THSD4: variants seen among roughly 807,000 people sequenced by gnomAD.
THSD4 encodes thrombospondin type 1 domain containing 4, also known as thrombospondin type-1 domain-containing protein 4.
Under a neutral mutation model 119.0 loss-of-function variants are expected in THSD4, and 69 were observed. That is an observed-to-expected ratio of 0.58 (90% CI 0.48 to 0.71). The LOEUF (loss-of-function observed/expected upper bound fraction) is 0.71, where lower values mean the gene tolerates loss of function less well. Ranked by LOEUF, THSD4 falls within the 30% of genes least tolerant of loss-of-function variation. The pLI is 0.00. For synonymous variants in THSD4, 524 were observed against 540.4 expected (o/e 0.97, Z 0.42); for missense variants, 1,393 against 1,391.1 (o/e 1.00, Z -0.02).
In THSD4 at chr15:71,511,071, G is replaced by A. The variant is rs140842506; in HGVS notation, c.1152+99248G>A. Among the ~76,000 whole-genome samples the A allele has an allele frequency of 1.3e-3, 197 of 150,286 alleles. 2 individuals are homozygous for A. Among genetic ancestry groups the A allele is most frequent in the African/African-American group, 4.7e-3 (193 of 40,710 alleles). ...TTTGCTGTAAGGGTCAAGGGGAGAA[G>A]TCTGAGTACAGAGCAAGATAAAGAA... On this transcript the variant is annotated intron_variant, in intron 7 of 17. Transcript: ENST00000261862.
At chr15:71,277,033 T>A (rs905076517) in intron 6 of THSD4, among the ~76,000 whole-genome samples, 1 of 152,182 alleles carries the variant, frequency 6.6e-6, no homozygotes, top group Non-Finnish European at 1.5e-5. Context: ...TTTAATTCTT[T>A]TGATTGTATT....
intron 1 of THSD4, among the ~76,000 whole-genome samples, chr15:71,122,729 G>A (rs1197422132): frequency 1.3e-5 from 2 of 152,032 alleles, no homozygotes; most frequent in African/African-American, 2.4e-5. Context: ...GCTCCATCAC[G>A]GTTTCCTTAG....
intron 1 of THSD4, among the ~76,000 whole-genome samples, chr15:71,132,336 T>G (rs77292128): frequency 0.018 from 2,792 of 152,302 alleles, 83 homozygotes; most frequent in African/African-American, 0.063. Flanking sequence ...CAGGCATTCA[T>G]AGGGTGGACT....
chr15:71,166,694 T>C (rs2043298042), intron 3 of THSD4, among the ~76,000 whole-genome samples: 1 of 152,172 alleles, frequency 6.6e-6, no homozygotes, highest in Non-Finnish European at 1.5e-5. Context: ...GCTCCCCCGG[T>C]GCTTTCCAGT....
At position 71,165,886 on chromosome 15, in the gene THSD4, A is replaced by G. The variant is rs536439299; in HGVS notation, c.99+10954A>G. 6.6e-5 allele frequency among the ~76,000 whole-genome samples: 10 copies of G among 152,186 alleles called. No individual in the cohort carries two copies. In the South Asian group the frequency reaches 2.1e-3, roughly 32 times the overall value. ...GTGGTGTGGTGTGCTGTGTGGCTGC[A>G]TGGGGCTCTTTCTGAGCCACCTCCA... On this transcript the variant is annotated intron_variant, in intron 3 of 17. Transcript: ENST00000261862.
At chr15:71,653,806 C>G (rs140510010) in intron 7 of THSD4, among the ~76,000 whole-genome samples, 11 of 152,286 alleles carry the variant, frequency 7.2e-5, no homozygotes, top group Non-Finnish European at 1.5e-4. Context: ...GAAGACAACT[C>G]TCTGCCTTCT....
In THSD4 at chr15:71,348,570, T is replaced by A. The variant is rs34007467; in HGVS notation, c.1016-63117T>A. The stretch of plus-strand genomic sequence containing the variant: ...ACCACTCCAGAAAACAGCTCAGAGC[T>A]TAGCTCTTAGTTGTGTTCAGAGCCC... On this transcript the variant is annotated intron_variant, in intron 6 of 17. Coordinates refer to ENST00000261862, the MANE Select transcript of THSD4 (RefSeq NM_024817.3). 4 of 152,244 alleles carry A rather than the reference T, an allele frequency of 2.6e-5. No homozygotes were observed. In the East Asian group the frequency reaches 7.7e-4, roughly 29 times the overall value. The allele number at this position is 152,244 out of a possible 1,614,324, so 9.4% of individuals were successfully genotyped here. A position where few individuals can be genotyped will look rare whatever the true frequency, so the allele number is the denominator to read the frequency against.
intron 3 of THSD4, among the ~76,000 whole-genome samples, chr15:71,180,709 G>T (rs1201585162): frequency 6.6e-6 from 1 of 152,146 alleles, no homozygotes; most frequent in Non-Finnish European, 1.5e-5. Flanking sequence ...TTTAGTTCAA[G>T]TATAGACAAA....
chr15:71,480,641 G>A (rs2047716486), intron 7 of THSD4, among the ~76,000 whole-genome samples: 1 of 152,200 alleles, frequency 6.6e-6, no homozygotes, highest in Non-Finnish European at 1.5e-5. Context: ...CACCCTTCCT[G>A]GGATCTTCTC....
At chr15:71,506,926 C>T (rs2048198880) in intron 7 of THSD4, among the ~76,000 whole-genome samples, 1 of 152,202 alleles carries the variant, frequency 6.6e-6, no homozygotes, top group Non-Finnish European at 1.5e-5. Context: ...TAGTTTGGTT[C>T]ATCTGTAAGT....
intron 7 of THSD4, among the ~76,000 whole-genome samples, chr15:71,512,718 A>G (rs1177798133): frequency 6.6e-6 from 1 of 152,102 alleles, no homozygotes; most frequent in Admixed American, 6.6e-5. Context: ...TATAAAAACA[A>G]TACTAGAATT....
At chr15:71,273,246 T>A (rs748449736) in intron 6 of THSD4, among the ~76,000 whole-genome samples, 1 of 152,230 alleles carries the variant, frequency 6.6e-6, no homozygotes, top group African/African-American at 2.4e-5. Context: ...TGTGACAACA[T>A]GGGTAAACCT....
chr15:71,377,910 A>ACC (rs66714242), intron 6 of THSD4, among the ~76,000 whole-genome samples: 26,642 of 103,642 alleles, frequency 0.26, 2,981 homozygotes, highest in East Asian at 0.53. Context: ...ACACACACAC[A>ACC]CACAATTTCC....
chr15:71,750,078 A>G (rs2053419512), intron 14 of THSD4, among the ~76,000 whole-genome samples: 2 of 152,132 alleles, frequency 1.3e-5, no homozygotes, highest in Admixed American at 1.3e-4. Flanking sequence ...CCACTGGTCC[A>G]AGGACCACAC....
At chr15:71,375,307 G>C (rs2046118694) in intron 6 of THSD4, among the ~76,000 whole-genome samples, 1 of 152,162 alleles carries the variant, frequency 6.6e-6, no homozygotes, top group Non-Finnish European at 1.5e-5. Context: ...CCCTCTTCCT[G>C]ACAACTTCTC....
At chr15:71,308,938 G>C (rs1410434843) in intron 6 of THSD4, among the ~76,000 whole-genome samples, 1 of 152,104 alleles carries the variant, frequency 6.6e-6, no homozygotes, top group Non-Finnish European at 1.5e-5. Flanking sequence ...TCATCCTAGT[G>C]GGGAGTGAAG....
intron 2 of THSD4, among the ~76,000 whole-genome samples, chr15:71,149,976 T>TG (rs1278332565): frequency 1.3e-5 from 2 of 151,796 alleles, no homozygotes; most frequent in Non-Finnish European, 2.9e-5. Flanking sequence ...AGAACAGCAC[T>TG]GGGTAGATGG....
chr15:71,684,435 G>A (rs1490845394), intron 8 of THSD4, among the ~76,000 whole-genome samples: 1 of 151,620 alleles, frequency 6.6e-6, no homozygotes, highest in African/African-American at 2.4e-5. Context: ...GAAAATGGAT[G>A]TATGCTCAAT....
chr15:71,238,143 G>A (rs947788022), intron 4 of THSD4, among the ~76,000 whole-genome samples: 2 of 152,096 alleles, frequency 1.3e-5, no homozygotes, highest in African/African-American at 4.8e-5. Context: ...CACACATGAT[G>A]CTCAATAGGC....
Sources: allele counts gnomAD v4.1 joint callset (sites outside exome capture counted in the v4.1 genomes callset), GRCh38; gene constraint gnomAD v4.1.1; transcripts MANE v1.5; gene names NCBI Gene and HGNC (gene_info 2026-07-23, HGNC 2026-07-21).